Variants in ALKBH6 observed in about 807,000 individuals in gnomAD.
The protein encoded by ALKBH6 is alkB homolog 6, nucleotide demethylase.
In ALKBH6, 20 loss-of-function variants were observed where a neutral mutation model predicts 25.1. The ratio of observed to expected loss-of-function variants is 0.80; its 90% CI spans 0.56 to 1.16. ALKBH6 has a LOEUF of 1.16. ALKBH6 is among the 50% of genes most tolerant of loss of function. The pLI, the probability that ALKBH6 is intolerant of heterozygous loss-of-function variation, is 0.00. For synonymous variants in ALKBH6, 156 were observed against 147.5 expected (o/e 1.06, Z -0.42); for missense variants, 263 against 326.5 (o/e 0.81, Z 1.50).
chr19:36,012,400 C>T (rs1247511294), intron 3 of ALKBH6: 1 of 152,714 alleles, frequency 6.5e-6, no homozygotes, highest in African/African-American at 2.4e-5. Flanking sequence ...GGTTATGGAG[C>T]TGTACTGGGC....
chr19:36,009,369 AGGCAGGCTCCCGGCCGCGCCGACG>A lies in ALKBH6; in HGVS notation c.614_637del (p.Pro205_Cys212del). 7.8e-7 allele frequency: 1 copy of A among 1,276,862 alleles called. No individual in the cohort carries two copies. The highest frequency in any genetic ancestry group is 1.5e-5 in the African/African-American group (1 of 64,668). The allele number at this position is 1,276,862 out of a possible 1,614,324, so 79.1% of individuals were successfully genotyped here. On this transcript the variant is annotated inframe_deletion, in exon 7 of 7. Coordinates refer to ENST00000378875, the MANE Select transcript of ALKBH6 (RefSeq NM_032878.5). Reference sequence around the variant, plus strand: ...CAGCGAGACCCGGGTGCCGCGCACCAGGCAGGCTCCCGGCCGCGCCGACGGGCAGGCTGCCGCATTGGGCGGCGA... The same window carrying A: ...CAGCGAGACCCGGGTGCCGCGCACCAGGCAGGCTGCCGCATTGGGCGGCGA...
chr19:36,011,210 C>T (rs1323559383), intron 4 of ALKBH6, 165 bp from the exon 5 acceptor site: 1 of 1,135,134 alleles, frequency 8.8e-7, no homozygotes, highest in African/African-American at 1.6e-5. Flanking sequence ...ACCACAGGTC[C>T]CTTTCAGATA....
Position 36,013,199 on chromosome 19 carries a change from GT to G in ALKBH6, c.55-111del, listed in dbSNP as rs1351994055. ...ACAGGCTCAGGATGTCCTCAGACAG[GT>G]CAGGGTCTAAAGTCAAGGGACCAGT... On this transcript the variant is annotated intron_variant, in intron 2 of 6. Transcript: ENST00000378875. This position sits in a 1 kb window ranked among gnomAD's most constrained non-coding sequence, Gnocchi z 4.6. The G allele has an allele frequency of 5.6e-6, 8 of 1,438,528 alleles. No individual in the cohort carries two copies. Among genetic ancestry groups the G allele is most frequent in the Non-Finnish European group, 7.8e-6 (8 of 1,026,694 alleles). The allele number at this position is 1,438,528 out of a possible 1,614,324, so 89.1% of individuals were successfully genotyped here.
chr19:36,011,081 T>C, intron 4 of ALKBH6, 36 bp from the exon 5 acceptor site: 3 of 1,563,158 alleles, frequency 1.9e-6, no homozygotes, highest in South Asian at 1.2e-5. Context: ...GGCCCCCCTA[T>C]AGCAATAGAT....
At chr19:36,009,730 G>A (rs180971900) in intron 6 of ALKBH6, among the ~76,000 whole-genome samples, 177 bp from the exon 7 acceptor site, 12 of 152,042 alleles carry the variant, frequency 7.9e-5, no homozygotes, top group Non-Finnish European at 1.0e-4. Flanking sequence ...GCCTGGGCTG[G>A]GGCTGCTGGA....
chr19:36,013,489 C>G lies in ALKBH6; in HGVS notation c.-25-67G>C. On this transcript the variant is annotated intron_variant, in intron 1 of 6. Coordinates refer to ENST00000378875, the MANE Select transcript of ALKBH6 (RefSeq NM_032878.5). The surrounding 1 kb of genome is among the most constrained non-coding windows in gnomAD (Gnocchi z 4.6). Reference sequence around the variant, plus strand: ...GCCCTAACACCATGATGCAGCATTCCACCCCATCACAGGCCAGGCCTCACC... The same window carrying G: ...GCCCTAACACCATGATGCAGCATTCGACCCCATCACAGGCCAGGCCTCACC... The G allele has an allele frequency of 1.9e-6, 3 of 1,598,356 alleles. No homozygotes were observed. The South Asian group carries it at 3.4e-5, about 18-fold the overall frequency.
Position 36,010,483 on chromosome 19 carries a change from G to A in ALKBH6, c.453+84C>T, listed in dbSNP as rs989571506. 30 of 1,219,236 alleles carry A rather than the reference G, an allele frequency of 2.5e-5. No homozygotes were observed. The Admixed American group carries it at 3.2e-4, about 13-fold the overall frequency. 75.5% of individuals were successfully genotyped at this position (1,219,236 alleles called of 1,614,324 possible). ...TCTGGGAGAGTGCCAGGAGTACCCC[G>A]AAGGCATGTGGGACCAGGTCATCTT... is the stretch of plus-strand genomic sequence containing the variant. On this transcript the variant is annotated intron_variant, in intron 6 of 6. Coordinates refer to ENST00000378875, the MANE Select transcript of ALKBH6 (RefSeq NM_032878.5). The surrounding 1 kb of genome is among the most constrained non-coding windows in gnomAD (Gnocchi z 5.5).
rs1968681633 is a variant in ALKBH6 at position 36,013,557 on chromosome 19, C to T, written c.-25-135G>A. Reference sequence around the variant, plus strand: ...CGCACTTGGTCTCTAAAATCTGAGTCTTCAGCATCTTACAAGCCACACAGA... The same window carrying T: ...CGCACTTGGTCTCTAAAATCTGAGTTTTCAGCATCTTACAAGCCACACAGA... On this transcript the variant is annotated intron_variant, in intron 1 of 6. Coordinates refer to ENST00000378875, the MANE Select transcript of ALKBH6 (RefSeq NM_032878.5). This position sits in a 1 kb window ranked among gnomAD's most constrained non-coding sequence, Gnocchi z 4.6. 2 of 1,460,132 alleles carry T rather than the reference C, an allele frequency of 1.4e-6. No individual in the cohort carries two copies. Among genetic ancestry groups the T allele is most frequent in the Admixed American group, 2.5e-5 (1 of 39,360 alleles). The allele number at this position is 1,460,132 out of a possible 1,614,324, so 90.4% of individuals were successfully genotyped here. A position where few individuals can be genotyped will look rare whatever the true frequency, so the allele number is the denominator to read the frequency against.
In ALKBH6 at chr19:36,013,388, G is replaced by A. The variant is rs778817277; in HGVS notation, c.10C>T (p.Gln4Ter). 1.9e-6 allele frequency: 3 copies of A among 1,613,776 alleles called. No homozygotes were observed. Among genetic ancestry groups the A allele is most frequent in the Non-Finnish European group, 2.5e-6 (3 of 1,179,882 alleles). Residue 4 changes from glutamine to a stop codon, truncating the protein, a stop_gained, in exon 2 of 7, where the codon CAG (glutamine) becomes TAG (stop). Coordinates refer to ENST00000378875, the MANE Select transcript of ALKBH6 (RefSeq NM_032878.5). LOFTEE classifies it high-confidence loss of function. This position sits in a 1 kb window ranked among gnomAD's most constrained non-coding sequence, Gnocchi z 4.6. The part of the protein sequence containing the change: MEE[Q>*]DARVPALEPF... ...TCCAGGGCTGGGACTCTGGCGTCCTGCTCCTCCATCAACACCAACTCCTTG... is the reference window on the plus strand; with the variant it reads ...TCCAGGGCTGGGACTCTGGCGTCCTACTCCTCCATCAACACCAACTCCTTG...
In ALKBH6 at chr19:36,011,058, A is replaced by G. The variant is rs752641683; in HGVS notation, c.185-13T>C. On this transcript the variant is annotated splice_polypyrimidine_tract_variant and intron_variant, in intron 4 of 6. Coordinates refer to ENST00000378875, the MANE Select transcript of ALKBH6 (RefSeq NM_032878.5). ...TGAGGAAGCCCACCTGGGGAAGGCAATGGGGTCCTGAGGGCCCCCCTATAG... is the reference window on the plus strand; with the variant it reads ...TGAGGAAGCCCACCTGGGGAAGGCAGTGGGGTCCTGAGGGCCCCCCTATAG... 44 of 1,591,292 alleles carry G rather than the reference A, an allele frequency of 2.8e-5. No individual in the cohort carries two copies. The highest frequency in any genetic ancestry group is 3.5e-5 in the Non-Finnish European group (41 of 1,168,420).
intron 6 of ALKBH6, among the ~76,000 whole-genome samples, chr19:36,009,886 T>A (rs1487256225): frequency 6.6e-6 from 1 of 151,602 alleles, no homozygotes; most frequent in Non-Finnish European, 1.5e-5. Context: ...GAATAGGCAG[T>A]CCCCAGGAAA....
rs1968502303 is a variant in ALKBH6 at position 36,009,142 on chromosome 19, G to A, written c.*148C>T. 9.4e-6 allele frequency: 11 copies of A among 1,168,852 alleles called. No individual in the cohort carries two copies. The highest frequency in any genetic ancestry group is 1.1e-5 in the Non-Finnish European group (10 of 929,926). 72.4% of individuals were successfully genotyped at this position (1,168,852 alleles called of 1,614,324 possible). ...AAGGAAAGATTTTTTTGTTTATTTG[G>A]TATGGGGTCTTCTGTAGCTCACACA... is the stretch of plus-strand genomic sequence containing the variant. On this transcript the variant is annotated 3_prime_UTR_variant, in exon 7 of 7. Transcript: ENST00000378875.
chr19:36,010,539 G>C lies in ALKBH6; in HGVS notation c.453+28C>G, dbSNP rs769360084. ...ATGTGCGAGGTTGAAGTGCCTACAA[G>C]CAGCTGGGGCAGTGTCTGGGGGCCC... On this transcript the variant is annotated intron_variant, in intron 6 of 6. Coordinates refer to ENST00000378875, the MANE Select transcript of ALKBH6 (RefSeq NM_032878.5). The surrounding 1 kb of genome is among the most constrained non-coding windows in gnomAD (Gnocchi z 5.5). 1 of 1,588,160 alleles carries C rather than the reference G, an allele frequency of 6.3e-7. No individual in the cohort carries two copies. The highest frequency in any genetic ancestry group is 8.6e-7 in the Non-Finnish European group (1 of 1,157,974).
Position 36,013,042 on chromosome 19 carries a change from C to T in ALKBH6, c.102G>A (p.Glu34=). The change falls in exon 3 of 7, where the codon GAG becomes GAA. Residue 34 remains glutamate, a synonymous_variant. Transcript: ENST00000378875. This position sits in a 1 kb window ranked among gnomAD's most constrained non-coding sequence, Gnocchi z 4.6. ...YYVPDFISKE[E]EEYLLRQVFN... is the part of the protein sequence containing the mutation. ...TCACCTGTCGAAGCAAATACTCCTC[C>T]TCTTCTTTGGAGATGAAGTCAGGGA... 1.2e-6 allele frequency: 2 copies of T among 1,614,038 alleles called. No homozygotes were observed. The highest frequency in any genetic ancestry group is 1.6e-4 in the Middle Eastern group (1 of 6,062).
Position 36,011,474 on chromosome 19 carries a change from G to A in ALKBH6, c.124-10C>T. 1 of 1,613,674 alleles carries A rather than the reference G, an allele frequency of 6.2e-7. No individual in the cohort carries two copies. The highest frequency in any genetic ancestry group is 1.3e-5 in the African/African-American group (1 of 75,018). On this transcript the variant is annotated splice_polypyrimidine_tract_variant and intron_variant, in intron 3 of 6. Coordinates refer to ENST00000378875, the MANE Select transcript of ALKBH6 (RefSeq NM_032878.5). The stretch of plus-strand genomic sequence containing the variant: ...TTGGGGCATTAAAAACCTAAGAGGT[G>A]GGAAGGGGGTCACTCCTTTCTCAGG...
chr19:36,010,142 A>C lies in ALKBH6; in HGVS notation c.453+425T>G. On this transcript the variant is annotated intron_variant, in intron 6 of 6. Transcript: ENST00000378875. The surrounding 1 kb of genome is among the most constrained non-coding windows in gnomAD (Gnocchi z 5.5). ...GGTGCTAGAAATGCATCACTCAGAG[A>C]AATTGTGTCAAGGGGTCAAGGAGAA... 1 of 188,238 alleles carries C rather than the reference A, an allele frequency of 5.3e-6. No homozygotes were observed. The highest frequency in any genetic ancestry group is 1.1e-5 in the Non-Finnish European group (1 of 91,252). 11.7% of individuals were successfully genotyped at this position (188,238 alleles called of 1,614,324 possible). A position where few individuals can be genotyped will look rare whatever the true frequency, so the allele number is the denominator to read the frequency against.
chr19:36,012,958 G>C, intron 3 of ALKBH6, 63 bp downstream of exon 3: 1 of 1,505,170 alleles, frequency 6.6e-7, no homozygotes. Context: ...TCATACAGAG[G>C]ATGGACATTG....
At chr19:36,014,154 C>G (rs1402989321) in intron 1 of ALKBH6, 21 bp downstream of exon 1, 1 of 1,612,050 alleles carries the variant, frequency 6.2e-7, no homozygotes, top group African/African-American at 1.3e-5. Context: ...ATCTCTACCC[C>G]CAGCACTCCC....
Position 36,013,468 on chromosome 19 carries a change from T to C in ALKBH6, c.-25-46A>G. 2 of 1,610,158 alleles carry C rather than the reference T, an allele frequency of 1.2e-6. No individual in the cohort carries two copies. Among genetic ancestry groups the C allele is most frequent in the Non-Finnish European group, 1.7e-6 (2 of 1,177,856 alleles). ...ACTGAAGTCACTAGGCCTCCCGCCC[T>C]AACACCATGATGCAGCATTCCACCC... On this transcript the variant is annotated intron_variant, in intron 1 of 6. Transcript: ENST00000378875. The surrounding 1 kb of genome is among the most constrained non-coding windows in gnomAD (Gnocchi z 4.6).
Sources: gnomAD v4.1 joint callset for allele counts (sites outside exome capture counted in the v4.1 genomes callset) on GRCh38, gnomAD v4.1.1 for gene constraint, Gnocchi (gnomAD v3.1) non-coding constraint, MANE v1.5 for transcripts, NCBI Gene and HGNC (gene_info 2026-07-23, HGNC 2026-07-21) for gene names.